The following ARNT variants were observed in gnomAD, a reference collection of about 807,000 sequenced individuals.
ARNT encodes the protein aryl hydrocarbon receptor nuclear translocator, also known as class E basic helix-loop-helix protein 2.
In ARNT, 30 loss-of-function variants were observed where a neutral mutation model predicts 105.0. The ratio of observed to expected loss-of-function variants is 0.29; its 90% CI spans 0.21 to 0.39. The LOEUF (loss-of-function observed/expected upper bound fraction) is 0.39. ARNT is among the 10% of genes least tolerant of loss of function. The pLI, the probability that ARNT is intolerant of heterozygous loss-of-function variation, is 1.00. For missense variants in ARNT, 748 were observed against 978.7 expected (o/e 0.76, Z 3.15); for synonymous variants, 304 against 344.0 (o/e 0.88, Z 1.29).
chr1:150,820,862 T>C (rs1557860940), intron 14 of ARNT, among the ~76,000 whole-genome samples: 2 of 152,176 alleles, frequency 1.3e-5, no homozygotes, highest in African/African-American at 4.8e-5. Flanking sequence ...TGTGATATTA[T>C]GAAATACAAC....
At chr1:150,858,188 A>T (rs1385980600) in intron 2 of ARNT, among the ~76,000 whole-genome samples, 161 bp downstream of exon 2, 2 of 152,226 alleles carry the variant, frequency 1.3e-5, no homozygotes, top group African/African-American at 4.8e-5. Flanking sequence ...CATAAACAAA[A>T]ATACAGGGAC....
intron 4 of ARNT, among the ~76,000 whole-genome samples, chr1:150,845,466 G>C (rs2102036111): frequency 6.6e-6 from 1 of 151,856 alleles, no homozygotes; most frequent in South Asian, 2.1e-4. Context: ...AAATTAGCTA[G>C]GCATGGTGGC....
intron 1 of ARNT, among the ~76,000 whole-genome samples, chr1:150,870,247 A>C (rs1414731982): frequency 6.6e-6 from 1 of 152,232 alleles, no homozygotes; most frequent in Non-Finnish European, 1.5e-5. Context: ...AAATGAGAAC[A>C]GCTGGTAAGT....
At chr1:150,824,336 CTAGCTTTA>C (rs1657749935) in intron 13 of ARNT, among the ~76,000 whole-genome samples, 1 of 151,936 alleles carries the variant, frequency 6.6e-6, no homozygotes, top group South Asian at 2.1e-4. Context: ...ATACTCTGAC[CTAGCTTTA>C]CAAGTCTATA....
rs144606334 is a variant in ARNT at position 150,829,917 on chromosome 1, A to G, written c.1019T>C (p.Ile340Thr). The change falls in exon 11 of 22, where the codon ATT becomes ACT. Residue 340 changes from isoleucine (I) to threonine (T), a missense_variant. Ile to Thr is a moderately conservative substitution (Grantham distance 89). Around this residue, in one of 4 missense-constraint regions of ARNT, gnomAD observed 291 missense variants for 444.6 expected, o/e 0.65. Transcript: ENST00000358595. The stretch of plus-strand genomic sequence containing the variant: ...ATTCATACTTGCCTGCAATCTGCCA[A>G]TGGCCACTAGGCAAAACTTGCTTCC... ...GQGSKFCLVAIGRLQVTSSPN... is the reference protein window; with the variant it reads ...GQGSKFCLVATGRLQVTSSPN... 55 of 1,614,108 alleles carry G rather than the reference A, an allele frequency of 3.4e-5. No homozygotes were observed. The highest frequency in any genetic ancestry group is 4.4e-5 in the Non-Finnish European group (52 of 1,180,036).
intron 13 of ARNT, among the ~76,000 whole-genome samples, chr1:150,825,009 G>A (rs1657910858): frequency 6.6e-6 from 1 of 152,086 alleles, no homozygotes. Flanking sequence ...CTACAGGCAT[G>A]AGCCACCATA....
chr1:150,837,557 T>C (rs1014794293), intron 6 of ARNT, among the ~76,000 whole-genome samples: 1 of 152,200 alleles, frequency 6.6e-6, no homozygotes, highest in South Asian at 2.1e-4. Flanking sequence ...TCTATGAGAC[T>C]GTACTCCAAT....
chr1:150,863,122 AG>A (rs902437627), intron 1 of ARNT, among the ~76,000 whole-genome samples: 70 of 151,358 alleles, frequency 4.6e-4, no homozygotes, highest in African/African-American at 1.6e-3. Flanking sequence ...CCAGCACTTT[AG>A]GAGGCTGAGG....
intron 20 of ARNT, 140 bp downstream of exon 20, chr1:150,813,937 A>C: frequency 8.1e-7 from 1 of 1,228,408 alleles, no homozygotes; most frequent in Non-Finnish European, 1.1e-6. Flanking sequence ...GTAGGTTTTA[A>C]ATTCTAAATA....
In ARNT at chr1:150,816,304, T is replaced by C; in HGVS notation, c.1905A>G (p.Ala635=). The C allele has an allele frequency of 6.2e-7, 1 of 1,607,298 alleles. No homozygotes were observed. Among genetic ancestry groups the C allele is most frequent in the Admixed American group, 1.7e-5 (1 of 57,692 alleles). The change falls in exon 19 of 22, where the codon GCA becomes GCG. Residue 635 remains alanine, a synonymous_variant. Transcript: ENST00000358595. ...GGGTAGTAGGGGTCCAAGTTGGGGT[T>C]GCTCCTTGGGTGGGGTTGGAGTGGC... ...ISRHSNPTQG[A]TPTWTPTTRS...
intron 10 of ARNT, among the ~76,000 whole-genome samples, chr1:150,830,752 C>T (rs1458331307): frequency 6.6e-6 from 1 of 152,140 alleles, no homozygotes; most frequent in African/African-American, 2.4e-5. Context: ...CAATGTTTTA[C>T]ACAGAAAGGG....
intron 1 of ARNT, among the ~76,000 whole-genome samples, chr1:150,858,704 C>G (rs587621798): frequency 6.6e-6 from 1 of 151,702 alleles, no homozygotes; most frequent in Non-Finnish European, 1.5e-5. Context: ...TCACTACAGC[C>G]TCAAACTCCT....
At chr1:150,820,850 T>C (rs1156843583) in intron 14 of ARNT, among the ~76,000 whole-genome samples, 1 of 152,158 alleles carries the variant, frequency 6.6e-6, no homozygotes, top group East Asian at 1.9e-4. Flanking sequence ...GGAAAATGCC[T>C]ATGTGATATT....
chr1:150,823,407 A>C, intron 13 of ARNT, 62 bp from the exon 14 acceptor site: 1 of 1,495,188 alleles, frequency 6.7e-7, no homozygotes, highest in Non-Finnish European at 9.0e-7. Flanking sequence ...AAAATAAATA[A>C]AAATTTTCCA....
At chr1:150,814,349 C>G in intron 19 of ARNT, 110 bp from the exon 20 acceptor site, 4 of 1,039,596 alleles carry the variant, frequency 3.8e-6, no homozygotes, top group Non-Finnish European at 5.6e-6. Context: ...CTGAACCAAG[C>G]TCATCACTTA....
At chr1:150,836,919 A>C (rs1344641135) in intron 6 of ARNT, among the ~76,000 whole-genome samples, 1 of 152,126 alleles carries the variant, frequency 6.6e-6, no homozygotes, top group East Asian at 1.9e-4. Flanking sequence ...AAACAAAACT[A>C]GCCAGGTGTG....
intron 1 of ARNT, among the ~76,000 whole-genome samples, chr1:150,871,130 A>G (rs1481430115): frequency 6.6e-6 from 1 of 152,146 alleles, no homozygotes; most frequent in African/African-American, 2.4e-5. Flanking sequence ...GATTAGCAAC[A>G]AAATAGGAAA....
At chr1:150,849,967 G>A (rs1373228711) in intron 3 of ARNT, among the ~76,000 whole-genome samples, 3 of 151,892 alleles carry the variant, frequency 2.0e-5, no homozygotes, top group East Asian at 1.9e-4. Context: ...CACTAGAATC[G>A]CTTGAACCTG....
At chr1:150,847,503 A>G (rs1370671897) in intron 3 of ARNT, among the ~76,000 whole-genome samples, 1 of 151,912 alleles carries the variant, frequency 6.6e-6, no homozygotes, top group Non-Finnish European at 1.5e-5. Context: ...CCGACTTGGT[A>G]AGATAAACTA....
Sources: allele counts gnomAD v4.1 joint callset (sites outside exome capture counted in the v4.1 genomes callset), GRCh38; gene constraint gnomAD v4.1.1; regional missense constraint gnomAD v4.1.1; transcripts MANE v1.5; gene names NCBI Gene and HGNC (gene_info 2026-07-23, HGNC 2026-07-21).